GALNT13: variants seen among roughly 807,000 people sequenced by gnomAD.
The protein encoded by GALNT13 is UDP-GalNAc:polypeptide N-acetylgalactosaminyltransferase 13.
Under a neutral mutation model 64.2 loss-of-function variants are expected in GALNT13, and 28 were observed. The observed-to-expected ratio is 0.44, with a 90% CI of 0.32 to 0.60. The LOEUF is 0.60. Among genes scored for constraint, GALNT13 ranks in the 20% least tolerant of loss-of-function variants. The pLI, the probability that GALNT13 is intolerant of heterozygous loss-of-function variation, is 0.05. For missense variants in GALNT13, 577 were observed against 669.8 expected, an observed-to-expected ratio of 0.86 and a Z score of 1.53; for synonymous variants, 214 against 224.6, an observed-to-expected ratio of 0.95 and a Z score of 0.42.
intron 3 of GALNT13, among the ~76,000 whole-genome samples, chr2:154,133,044 G>A (rs927124446): frequency 6.6e-6 from 1 of 152,078 alleles, no homozygotes; most frequent in Non-Finnish European, 1.5e-5. Flanking sequence ...GTGTGATGTG[G>A]GCATCCACTG....
At chr2:153,842,975 G>A in the GALNT13 span, among the ~76,000 whole-genome samples, 5 of 151,986 alleles carry the variant, frequency 3.3e-5, no homozygotes, top group African/African-American at 1.2e-4. Context: ...TAATACATGT[G>A]TTTAGCAGCA....
the GALNT13 span, among the ~76,000 whole-genome samples, chr2:153,091,590 T>C: frequency 6.6e-6 from 1 of 152,218 alleles, no homozygotes; most frequent in Non-Finnish European, 1.5e-5. Flanking sequence ...AGTGTGAGTC[T>C]CCACATGCTG....
the GALNT13 span, among the ~76,000 whole-genome samples, chr2:153,276,732 A>G: frequency 6.6e-6 from 1 of 151,946 alleles, no homozygotes. Flanking sequence ...TGTTTTGCCT[A>G]TTTTTATCCG....
chr2:154,110,378 C>CAGAG (rs1293098530), intron 3 of GALNT13, among the ~76,000 whole-genome samples: 8 of 50,060 alleles, frequency 1.6e-4, no homozygotes, highest in East Asian at 1.3e-3. Context: ...GAGAGAGAGA[C>CAGAG]AGAGAGAGAG....
intron 7 of GALNT13, among the ~76,000 whole-genome samples, chr2:154,253,018 T>C (rs1307922033): frequency 6.6e-6 from 1 of 152,186 alleles, no homozygotes; most frequent in Non-Finnish European, 1.5e-5. Flanking sequence ...ATAATCTTGG[T>C]AAACAGAGAT....
At chr2:153,412,944 T>A in the GALNT13 span, among the ~76,000 whole-genome samples, 1 of 152,098 alleles carries the variant, frequency 6.6e-6, no homozygotes, top group African/African-American at 2.4e-5. Context: ...ATTAGGATAA[T>A]TTAAGAATGA....
At chr2:153,995,188 G>A (rs1473317) in intron 3 of GALNT13, among the ~76,000 whole-genome samples, 116,263 of 151,920 alleles carry the variant, frequency 0.77, 44,865 homozygotes, top group East Asian at 0.96. Flanking sequence ...AATACTTTCC[G>A]TGTTTTCAGC....
At chr2:153,246,882 G>C in the GALNT13 span, among the ~76,000 whole-genome samples, 1 of 151,970 alleles carries the variant, frequency 6.6e-6, no homozygotes, top group African/African-American at 2.4e-5. Flanking sequence ...GACCCATCAC[G>C]GTGCTGTATT....
At chr2:153,254,953 T>G in the GALNT13 span, among the ~76,000 whole-genome samples, 81 of 152,208 alleles carry the variant, frequency 5.3e-4, no homozygotes, top group African/African-American at 1.5e-3. Context: ...CTGTTGATTT[T>G]GGGTGGAGAG....
At chr2:153,288,769 T>C in the GALNT13 span, among the ~76,000 whole-genome samples, 3 of 152,220 alleles carry the variant, frequency 2.0e-5, no homozygotes, top group Non-Finnish European at 4.4e-5. Flanking sequence ...TATGCATGTA[T>C]AGAAAAAAAC....
rs139124827 is a variant in GALNT13 at position 154,270,815 on chromosome 2, T to C, written c.975+11677T>C. On this transcript the variant is annotated intron_variant, in intron 8 of 12. Coordinates refer to ENST00000392825, the MANE Select transcript of GALNT13 (RefSeq NM_052917.4). ...TTTAGCAAACATCCACTAATGCCTT[T>C]AAATGGATAGTGGGTTTCTTGGGTG... 4.6e-5 allele frequency among the ~76,000 whole-genome samples: 7 copies of C among 152,006 alleles called. No individual in the cohort carries two copies. The East Asian group carries it at 1.2e-3, about 25-fold the overall frequency.
chr2:154,353,519 A>T (rs529986032), intron 9 of GALNT13, among the ~76,000 whole-genome samples: 1 of 152,090 alleles, frequency 6.6e-6, no homozygotes, highest in African/African-American at 2.4e-5. Context: ...ACATCTCTAG[A>T]CTTGTTCATC....
the GALNT13 span, among the ~76,000 whole-genome samples, chr2:153,770,366 A>T: frequency 6.6e-6 from 1 of 152,146 alleles, no homozygotes. Context: ...CCTTGGTTAT[A>T]GATAGCCCTT....
intron 3 of GALNT13, among the ~76,000 whole-genome samples, chr2:154,126,326 A>G (rs1253480026): frequency 1.3e-5 from 2 of 152,136 alleles, no homozygotes; most frequent in Admixed American, 1.3e-4. Context: ...TATTCAAAAC[A>G]TGTTTGTGCA....
chr2:153,644,914 A>G, the GALNT13 span, among the ~76,000 whole-genome samples: 1 of 152,106 alleles, frequency 6.6e-6, no homozygotes, highest in East Asian at 1.9e-4. Flanking sequence ...ATGGGACAAA[A>G]TCTGTCAGTA....
chr2:153,678,382 A>T, the GALNT13 span, among the ~76,000 whole-genome samples: 5 of 152,194 alleles, frequency 3.3e-5, no homozygotes, highest in Non-Finnish European at 1.5e-5. Context: ...TCTCAGCAAC[A>T]TGAATGGAGC....
At chr2:153,918,463 C>T (rs1048195980) in intron 2 of GALNT13, among the ~76,000 whole-genome samples, 1 of 152,242 alleles carries the variant, frequency 6.6e-6, no homozygotes, top group East Asian at 1.9e-4. Flanking sequence ...ACCTTTGCTA[C>T]TCCCCTATGC....
intron 3 of GALNT13, among the ~76,000 whole-genome samples, chr2:154,078,943 G>T (rs1701128716): frequency 6.6e-6 from 1 of 151,564 alleles, no homozygotes; most frequent in African/African-American, 2.4e-5. Context: ...TCTTTGGAGT[G>T]GTGAAGTGAC....
chr2:153,899,214 G>A (rs1407627594), intron 1 of GALNT13, among the ~76,000 whole-genome samples: 1 of 152,100 alleles, frequency 6.6e-6, no homozygotes, highest in East Asian at 1.9e-4. Context: ...AGCAGATATT[G>A]CGGTAAGATG....
Sources: gnomAD v4.1 joint callset for allele counts (sites outside exome capture counted in the v4.1 genomes callset) on GRCh38, gnomAD v4.1.1 for gene constraint, MANE v1.5 for transcripts, NCBI Gene and HGNC (gene_info 2026-07-23, HGNC 2026-07-21) for gene names.